Variants in GRID1 observed in about 807,000 individuals in gnomAD.
GRID1 encodes glutamate ionotropic receptor delta type subunit 1, also known as glutamate receptor ionotropic, delta-1.
Under a neutral mutation model 98.0 loss-of-function variants are expected in GRID1, and 28 were observed. That is an observed-to-expected ratio of 0.29 (90% CI 0.21 to 0.39). GRID1 has a LOEUF of 0.39. Ranked by LOEUF, GRID1 falls within the 10% of genes least tolerant of loss-of-function variation. The pLI is 1.00. For missense variants in GRID1, 1,111 were observed against 1,340.5 expected, an observed-to-expected ratio of 0.83 and a Z score of 2.67; for synonymous variants, 553 against 538.5, an observed-to-expected ratio of 1.03 and a Z score of -0.37.
At chr10:85,880,553 C>A (rs895373565) in intron 5 of GRID1, among the ~76,000 whole-genome samples, 20 of 151,840 alleles carry the variant, frequency 1.3e-4, no homozygotes, top group Non-Finnish European at 2.9e-4. Flanking sequence ...GCAGAAAAGG[C>A]CTTTGACAAA....
intron 5 of GRID1, among the ~76,000 whole-genome samples, chr10:85,886,341 T>A (rs1056996395): frequency 2.6e-5 from 4 of 152,198 alleles, no homozygotes; most frequent in African/African-American, 7.2e-5. Flanking sequence ...TACCTTGAAA[T>A]CTTATGAATT....
rs1175614100 is a variant in GRID1, at chr10:85,613,554, G to T, written c.2454C>A (p.Ser818Arg). The T allele has an allele frequency of 6.2e-7, 1 of 1,614,170 alleles. No homozygotes were observed. Among genetic ancestry groups the T allele is most frequent in the Non-Finnish European group, 8.5e-7 (1 of 1,180,044 alleles). Residue 818 changes from serine to arginine, a missense_variant, in exon 15 of 16, where the codon AGC (serine) becomes AGA (arginine). Around this residue, in one of 3 missense-constraint regions of GRID1, gnomAD observed 762 missense variants for 869.1 expected, o/e 0.88. Transcript: ENST00000327946. Reference sequence around the variant, plus strand: ...TGAGGGATTTGCCGTCGGCCTGGGCGCTGGCATGGCTGGTGAGGTCACAGC... The same window carrying T: ...TGAGGGATTTGCCGTCGGCCTGGGCTCTGGCATGGCTGGTGAGGTCACAGC... The part of the protein sequence containing the change: ...MGRCDLTSHA[S>R]AQADGKSLKL...
chr10:86,058,012 G>T (rs888372586), intron 4 of GRID1, among the ~76,000 whole-genome samples: 1 of 152,182 alleles, frequency 6.6e-6, no homozygotes, highest in African/African-American at 2.4e-5. Flanking sequence ...CATAGGTTAG[G>T]TGTCCCCAGA....
At chr10:86,287,626 G>A (rs1847451020) in intron 2 of GRID1, among the ~76,000 whole-genome samples, 1 of 152,184 alleles carries the variant, frequency 6.6e-6, no homozygotes, top group African/African-American at 2.4e-5. Context: ...CCACAGGAGA[G>A]GGCTGGTTGT....
At chr10:85,838,195 C>T (rs1031047050) in intron 8 of GRID1, among the ~76,000 whole-genome samples, 5 of 152,050 alleles carry the variant, frequency 3.3e-5, no homozygotes, top group Non-Finnish European at 1.5e-5. Flanking sequence ...ACTTGTGTAC[C>T]TGAAAGAGAT....
chr10:86,054,373 G>A (rs1028209570), intron 4 of GRID1, among the ~76,000 whole-genome samples: 4 of 152,184 alleles, frequency 2.6e-5, no homozygotes, highest in African/African-American at 9.7e-5. Flanking sequence ...TGGTCTTTGA[G>A]AATATGCTGA....
At chr10:85,661,069 G>C (rs141330047) in intron 12 of GRID1, among the ~76,000 whole-genome samples, 1 of 152,254 alleles carries the variant, frequency 6.6e-6, no homozygotes, top group East Asian at 1.9e-4. Flanking sequence ...GATTAAATGA[G>C]AGAATGATGC....
intron 8 of GRID1, among the ~76,000 whole-genome samples, chr10:85,810,177 G>A (rs148965592): frequency 0.028 from 4,123 of 147,178 alleles, 69 homozygotes; most frequent in Non-Finnish European, 0.04. Flanking sequence ...GGGGTGTGGT[G>A]CCATCTTAAA....
intron 4 of GRID1, among the ~76,000 whole-genome samples, chr10:86,137,618 G>T (rs967788538): frequency 2.0e-5 from 3 of 152,228 alleles, no homozygotes; most frequent in African/African-American, 7.2e-5. Context: ...GAGAAAGAAT[G>T]GACATGTTAG....
intron 4 of GRID1, among the ~76,000 whole-genome samples, chr10:85,964,553 T>C (rs1842312357): frequency 6.6e-6 from 1 of 152,222 alleles, no homozygotes; most frequent in Admixed American, 6.5e-5. Flanking sequence ...GGATTCACTA[T>C]TTAATAAATG....
At chr10:85,921,729 C>A (rs1007773322) in intron 4 of GRID1, among the ~76,000 whole-genome samples, 2 of 152,154 alleles carry the variant, frequency 1.3e-5, no homozygotes, top group Non-Finnish European at 2.9e-5. Context: ...ATCCAAGAGC[C>A]TGGAAGGAAG....
intron 5 of GRID1, among the ~76,000 whole-genome samples, chr10:85,915,853 A>C (rs1371854327): frequency 6.6e-6 from 1 of 151,978 alleles, no homozygotes; most frequent in African/African-American, 2.4e-5. Context: ...CCCCCTCTGC[A>C]TCCCAATTCA....
In GRID1 at chr10:86,206,784, C is replaced by A. The variant is rs1846032110; in HGVS notation, c.236-136G>T. ...GCTGCCTCCCTCCAGGACCAAGAAC[C>A]ATCCTGGGCAGGCCAGTGGCTCTCA... On this transcript the variant is annotated intron_variant, in intron 2 of 15. Transcript: ENST00000327946. This position sits in a 1 kb window ranked among gnomAD's most constrained non-coding sequence, Gnocchi z 4.1. The A allele has an allele frequency of 5.5e-6, 4 of 726,004 alleles. No homozygotes were observed. The highest frequency in any genetic ancestry group is 2.7e-5 in the East Asian group (1 of 36,818). 45.0% of individuals were successfully genotyped at this position (726,004 alleles called of 1,614,324 possible). A position where few individuals can be genotyped will look rare whatever the true frequency, so the allele number is the denominator to read the frequency against.
chr10:85,906,972 A>G (rs1389646789), intron 5 of GRID1, among the ~76,000 whole-genome samples: 2 of 152,228 alleles, frequency 1.3e-5, no homozygotes, highest in East Asian at 3.8e-4. Flanking sequence ...ATAAACCTCC[A>G]ATCAGACTGA....
At chr10:86,036,698 G>A (rs1490310559) in intron 4 of GRID1, among the ~76,000 whole-genome samples, 1 of 152,180 alleles carries the variant, frequency 6.6e-6, no homozygotes, top group African/African-American at 2.4e-5. Flanking sequence ...TGATAAGCAG[G>A]AAGGCTCTCC....
intron 8 of GRID1, among the ~76,000 whole-genome samples, chr10:85,814,775 T>C (rs1441215124): frequency 6.6e-6 from 1 of 152,040 alleles, no homozygotes; most frequent in Non-Finnish European, 1.5e-5. Context: ...ATTAAAGTTA[T>C]TAAATTTGTA....
chr10:86,150,293 T>A (rs148796116), intron 3 of GRID1, among the ~76,000 whole-genome samples: 150 of 152,322 alleles, frequency 9.8e-4, no homozygotes, highest in Non-Finnish European at 1.8e-3. Flanking sequence ...GATTCTTCAA[T>A]GCTTCATTTC....
intron 6 of GRID1, among the ~76,000 whole-genome samples, chr10:85,863,510 T>A (rs954684769): frequency 1.3e-5 from 2 of 152,198 alleles, no homozygotes; most frequent in Non-Finnish European, 2.9e-5. Flanking sequence ...GGCACTGACT[T>A]TCCACCTGGG....
At chr10:86,015,080 T>C (rs1428411438) in intron 4 of GRID1, among the ~76,000 whole-genome samples, 2 of 152,222 alleles carry the variant, frequency 1.3e-5, no homozygotes, top group East Asian at 3.8e-4. Context: ...CCTTTTCCTG[T>C]AATGTTGTGT....
Sources: allele counts gnomAD v4.1 joint callset (sites outside exome capture counted in the v4.1 genomes callset), GRCh38; gene constraint gnomAD v4.1.1; regional missense constraint gnomAD v4.1.1; non-coding constraint Gnocchi (gnomAD v3.1); transcripts MANE v1.5; gene names NCBI Gene and HGNC (gene_info 2026-07-23, HGNC 2026-07-21).